The following RAD50 variants were observed in gnomAD, a reference collection of about 807,000 sequenced individuals.
RAD50 encodes the protein RAD50 double strand break repair protein, also known as DNA repair protein RAD50.
A neutral mutation model predicts 168.8 loss-of-function variants in RAD50; 132 were observed. The observed-to-expected ratio is 0.78, with a 90% CI of 0.68 to 0.90. The LOEUF (loss-of-function observed/expected upper bound fraction) is 0.90, where lower values mean the gene tolerates loss of function less well. Ranked by LOEUF, RAD50 falls within the 40% of genes least tolerant of loss-of-function variation. The pLI is 0.00. For missense variants in RAD50, 1,347 were observed against 1,534.4 expected (o/e 0.88, Z 2.04); for synonymous variants, 525 against 497.4 (o/e 1.06, Z -0.74).
chr5:132,566,506 G>A lies in RAD50; in HGVS notation c.213+7139G>A, dbSNP rs114141727. Among the ~76,000 whole-genome samples, 858 of 152,266 alleles carry A rather than the reference G, an allele frequency of 5.6e-3. 5 individuals are homozygous for A. Among genetic ancestry groups the A allele is most frequent in the African/African-American group, 0.02 (819 of 41,536 alleles). ...CATTGAAATGTCTGTATCCTAAGAG[G>A]CTGTTTCTGAGTAGCCAGTTCAGCG... On this transcript the variant is annotated intron_variant, in intron 2 of 24. Coordinates refer to ENST00000378823, the MANE Select transcript of RAD50 (RefSeq NM_005732.4).
intron 2 of RAD50, among the ~76,000 whole-genome samples, chr5:132,568,924 T>G (rs764082783): frequency 8.5e-5 from 13 of 152,182 alleles, no homozygotes; most frequent in Non-Finnish European, 1.8e-4. Flanking sequence ...TTACAGACCT[T>G]AACAACAAAG....
chr5:132,635,702 A>T (rs1012976543), intron 21 of RAD50, among the ~76,000 whole-genome samples: 1 of 152,228 alleles, frequency 6.6e-6, no homozygotes, highest in Non-Finnish European at 1.5e-5. Flanking sequence ...TTTAACTTGA[A>T]TGGAAAGATA....
chr5:132,616,150 T>TTCAG lies in RAD50; in HGVS notation c.3164+22_3164+25dup, dbSNP rs536987915. On this transcript the variant is annotated intron_variant, in intron 20 of 24. Transcript: ENST00000378823. ...GAAAAGGTATGCTTTTAAAATAATC[T>TTCAG]TCAGTTTAAATAAACGTCTTTATTA... is the stretch of plus-strand genomic sequence containing the variant. 2.0e-5 allele frequency: 32 copies of TTCAG among 1,605,726 alleles called. No individual in the cohort carries two copies. The East Asian group carries it at 5.8e-4, about 29-fold the overall frequency.
At chr5:132,581,840 TACCAA>T (rs937380600) in intron 5 of RAD50, among the ~76,000 whole-genome samples, 3 of 152,188 alleles carry the variant, frequency 2.0e-5, no homozygotes, top group Non-Finnish European at 4.4e-5. Context: ...CCGTGGTAAT[TACCAA>T]GATATTAGAA....
At chr5:132,566,479 C>G (rs192646448) in intron 2 of RAD50, among the ~76,000 whole-genome samples, 1 of 152,344 alleles carries the variant, frequency 6.6e-6, no homozygotes, top group East Asian at 1.9e-4. Flanking sequence ...TGGCCACCTC[C>G]TCATTGAAAT....
At chr5:132,600,725 A>G (rs986542071) in intron 13 of RAD50, among the ~76,000 whole-genome samples, 4 of 152,198 alleles carry the variant, frequency 2.6e-5, no homozygotes, top group African/African-American at 4.8e-5. Context: ...TTTACACACA[A>G]TCCCCTTAGA....
chr5:132,574,999 T>C (rs188219063), intron 2 of RAD50, among the ~76,000 whole-genome samples: 1 of 152,176 alleles, frequency 6.6e-6, no homozygotes, highest in African/African-American at 2.4e-5. Context: ...TTTCCTCTCT[T>C]CTGAGCCTTC....
At chr5:132,624,853 C>CAGAA (rs1225303601) in intron 21 of RAD50, among the ~76,000 whole-genome samples, 1 of 101,498 alleles carries the variant, frequency 9.9e-6, no homozygotes, top group Non-Finnish European at 1.8e-5. Flanking sequence ...GCGTGGGTGA[C>CAGAA]AGAAAGAGAC....
chr5:132,565,306 G>A (rs1750188036), intron 2 of RAD50, among the ~76,000 whole-genome samples: 1 of 151,410 alleles, frequency 6.6e-6, no homozygotes, highest in Admixed American at 6.6e-5. Flanking sequence ...TTTTTTTATA[G>A]CAGTGCAAGA....
intron 1 of RAD50, among the ~76,000 whole-genome samples, 191 bp from the exon 2 acceptor site, chr5:132,559,093 C>T (rs1009459292): frequency 2.6e-5 from 4 of 152,116 alleles, no homozygotes; most frequent in Non-Finnish European, 4.4e-5. Flanking sequence ...AGGATAACTT[C>T]TTAGTTATAT....
chr5:132,643,603 A>AAAGAT lies in RAD50; in HGVS notation c.*1241_*1245dup, dbSNP rs2149867926. On this transcript the variant is annotated 3_prime_UTR_variant, in exon 25 of 25. Coordinates refer to ENST00000378823, the MANE Select transcript of RAD50 (RefSeq NM_005732.4). ...GTGCTAGGTTAAATGGTTGGCCCCC[A>AAAGAT]AAGATAGACAGGTCCTGATTTCTAG... The AAAGAT allele has an allele frequency of 4.4e-6, 1 of 229,864 alleles. No individual in the cohort carries two copies. The highest frequency in any genetic ancestry group is 2.2e-5 in the African/African-American group (1 of 45,198). The allele number at this position is 229,864 out of a possible 1,614,324, so 14.2% of individuals were successfully genotyped here.
chr5:132,593,290 T>C (rs1750736927), intron 11 of RAD50: 1 of 161,170 alleles, frequency 6.2e-6, no homozygotes, highest in African/African-American at 2.4e-5. Context: ...ACCTTGTTAG[T>C]GCCTTAAACT....
intron 2 of RAD50, among the ~76,000 whole-genome samples, chr5:132,569,422 TGAGAA>T (rs777834346): frequency 1.2e-4 from 18 of 152,160 alleles, no homozygotes; most frequent in Non-Finnish European, 2.4e-4. Context: ...CATTTTATGA[TGAGAA>T]GAGGTCAATT....
chr5:132,595,604 C>A lies in RAD50; in HGVS notation c.2001C>A (p.Ser667=). 1 of 1,613,792 alleles carries A rather than the reference C, an allele frequency of 6.2e-7. No homozygotes were observed. Among genetic ancestry groups the A allele is most frequent in the Non-Finnish European group, 8.5e-7 (1 of 1,179,792 alleles). ...TGGCTGGAGCCACAGCAGTTTACTC[C>A]CAGTTCATTACTCAGCTAACAGACG... ...AMLAGATAVY[S]QFITQLTDEN... is the part of the protein sequence containing the mutation. The change falls in exon 13 of 25, where the codon TCC becomes TCA. Residue 667 remains serine, a synonymous_variant. Coordinates refer to ENST00000378823, the MANE Select transcript of RAD50 (RefSeq NM_005732.4).
At chr5:132,613,817 G>A (rs1349428261) in intron 19 of RAD50, among the ~76,000 whole-genome samples, 3 of 151,734 alleles carry the variant, frequency 2.0e-5, no homozygotes, top group East Asian at 3.9e-4. Context: ...GGATGATCTC[G>A]AACTCCTGAC....
chr5:132,557,409 AG>A lies in RAD50; in HGVS notation c.86del (p.Ser29ThrfsTer21). Reference protein sequence around the residue: ...DKDKQIITFFSPLTILVGPNG... With the variant: ...DKDKQIITFFXPLTILVGPNG... ...AGATAAGCAAATTATCACTTTCTTCAGCCCCCTTACAATTTTGGTTGGACCC... is the reference window on the plus strand; with the variant it reads ...AGATAAGCAAATTATCACTTTCTTCACCCCCTTACAATTTTGGTTGGACCC... On this transcript the variant is annotated frameshift_variant, in exon 1 of 25. Transcript: ENST00000378823. LOFTEE classifies it high-confidence loss of function. The A allele has an allele frequency of 6.2e-7, 1 of 1,614,166 alleles. No homozygotes were observed. Among genetic ancestry groups the A allele is most frequent in the Non-Finnish European group, 8.5e-7 (1 of 1,179,942 alleles).
intron 17 of RAD50, 112 bp from the exon 18 acceptor site, chr5:132,609,005 G>A (rs1352829850): frequency 6.9e-7 from 1 of 1,450,130 alleles, no homozygotes; most frequent in African/African-American, 1.4e-5. Context: ...ATTCAGTAGT[G>A]GTGGAAACTG....
rs1301826986 is a variant in RAD50 at position 132,640,683 on chromosome 5, A to G, written c.3630A>G (p.Ser1210=). The change falls in exon 24 of 25, where the codon TCA becomes TCG. Residue 1210 remains serine (S), a synonymous_variant. Coordinates refer to ENST00000378823, the MANE Select transcript of RAD50 (RefSeq NM_005732.4). ...RCSAGQKVLA[S]LIIRLALAET... is the part of the protein sequence containing the mutation. Reference sequence around the variant, plus strand: ...GGGCTTTTTTCCAGGTATTAGCCTCACTCATCATTCGCCTGGCCCTGGCTG... The same window carrying G: ...GGGCTTTTTTCCAGGTATTAGCCTCGCTCATCATTCGCCTGGCCCTGGCTG... 1 of 1,614,154 alleles carries G rather than the reference A, an allele frequency of 6.2e-7. No homozygotes were observed. Among genetic ancestry groups the G allele is most frequent in the African/African-American group, 1.3e-5 (1 of 75,028 alleles).
At position 132,619,294 on chromosome 5, in the gene RAD50, A is replaced by G. The variant is rs140930015; in HGVS notation, c.3389+1000A>G. On this transcript the variant is annotated intron_variant, in intron 21 of 24. Coordinates refer to ENST00000378823, the MANE Select transcript of RAD50 (RefSeq NM_005732.4). ...CTGATTTATACCACTAGCAGTATAT[A>G]AGGGTTTATTTGATGGATCCTCTGA... is the stretch of plus-strand genomic sequence containing the variant. Among the ~76,000 whole-genome samples, 374 of 152,328 alleles carry G rather than the reference A, an allele frequency of 2.5e-3. 2 individuals are homozygous for G. The highest frequency in any genetic ancestry group is 8.2e-3 in the African/African-American group (341 of 41,572).
Sources: gnomAD v4.1 joint callset for allele counts (sites outside exome capture counted in the v4.1 genomes callset) on GRCh38, gnomAD v4.1.1 for gene constraint, MANE v1.5 for transcripts, NCBI Gene and HGNC (gene_info 2026-07-23, HGNC 2026-07-21) for gene names.